Variants in SPG7 observed in about 807,000 individuals in gnomAD.
SPG7 encodes the protein mitochondrial inner membrane m-AAA protease component paraplegin.
In SPG7, 103 loss-of-function variants were observed where a neutral mutation model predicts 81.9. The observed-to-expected ratio is 1.26, with a 90% CI of 1.07 to 1.48. The LOEUF (loss-of-function observed/expected upper bound fraction) is 1.48. Among genes scored for constraint, SPG7 ranks in the 40% most tolerant of loss-of-function variants. The probability of loss-of-function intolerance (pLI) is 0.00; values close to 1 mark genes in which losing one functional copy is unlikely to be tolerated. For synonymous variants in SPG7, 534 were observed against 444.2 expected, an observed-to-expected ratio of 1.20 and a Z score of -2.54; for missense variants, 1,241 against 1,087.3, an observed-to-expected ratio of 1.14 and a Z score of -1.99.
intron 15 of SPG7, 117 bp from the exon 16 acceptor site, chr16:89,554,369 T>A (rs2058666602): frequency 2.7e-6 from 2 of 749,620 alleles, no homozygotes; most frequent in Non-Finnish European, 4.6e-6. Context: ...GGCTGAGGAG[T>A]CCTGTTCCTC....
chr16:89,543,463 T>G (rs2058525446), intron 9 of SPG7: 1 of 150,274 alleles, frequency 6.7e-6, no homozygotes, highest in Admixed American at 6.7e-5. Context: ...TGCCTCAGTC[T>G]CCCGAGTAGC....
chr16:89,512,003 C>T (rs2058029955), intron 2 of SPG7, among the ~76,000 whole-genome samples: 2 of 151,952 alleles, frequency 1.3e-5, no homozygotes, highest in African/African-American at 4.8e-5. Context: ...GCTCTGCCTC[C>T]AGGATTCCCG....
chr16:89,552,864 A>G (rs2058649878), intron 13 of SPG7, 115 bp from the exon 14 acceptor site: 2 of 978,240 alleles, frequency 2.0e-6, no homozygotes, highest in South Asian at 1.4e-5. Flanking sequence ...GATGCTGCAC[A>G]TTTGCCTTCC....
chr16:89,522,429 T>TGCTGGGTCCGTG (rs2058199683), intron 3 of SPG7: 1 of 152,070 alleles, frequency 6.6e-6, no homozygotes, highest in South Asian at 2.1e-4. Flanking sequence ...TCGTCCCGGC[T>TGCTGGGTCCGTG]GCTGGGTCCG....
intron 13 of SPG7, chr16:89,551,556 G>C (rs939943570): frequency 6.6e-6 from 1 of 152,210 alleles, no homozygotes; most frequent in African/African-American, 2.4e-5. Flanking sequence ...ACTCAGCTGG[G>C]GGTCCCATTT....
chr16:89,546,573 C>A (rs889450770), intron 10 of SPG7, 85 bp from the exon 11 acceptor site: 24 of 159,862 alleles, frequency 1.5e-4, no homozygotes, highest in Middle Eastern at 9.6e-4. Context: ...ACTTGGGGAC[C>A]CCCCCCCCCC....
chr16:89,554,923 T>TC, intron 16 of SPG7: 1 of 177,540 alleles, frequency 5.6e-6, no homozygotes, highest in Non-Finnish European at 1.2e-5. Flanking sequence ...TTTTTTTTTC[T>TC]TTTTTTTTTT....
chr16:89,529,060 C>T (rs1291255256), intron 5 of SPG7: 1 of 282,168 alleles, frequency 3.5e-6, no homozygotes, highest in East Asian at 9.3e-5. Context: ...GATTCACCCG[C>T]CACGGCCTCC....
intron 3 of SPG7, chr16:89,522,919 C>G (rs2058208682): frequency 6.6e-6 from 1 of 152,586 alleles, no homozygotes; most frequent in African/African-American, 2.4e-5. Context: ...TGCCACGCCT[C>G]CTTGCAGGCC....
Position 89,557,084 on chromosome 16 carries a change from G to T in SPG7, c.2379G>T (p.Trp793Cys), listed in dbSNP as rs372824496. 4.3e-6 allele frequency: 7 copies of T among 1,611,164 alleles called. No individual in the cohort carries two copies. The highest frequency in any genetic ancestry group is 1.3e-5 in the African/African-American group (1 of 74,868). The change falls in exon 17 of 17, where the codon TGG (tryptophan) becomes TGT (cysteine). Residue 793 changes from tryptophan to cysteine, a missense_variant. By Grantham distance (215) the Trp-to-Cys change is radical. Coordinates refer to ENST00000645818, the MANE Select transcript of SPG7 (RefSeq NM_003119.4). Reference sequence around the variant, plus strand: ...CACTTGGAGGCGAAGAGCCGACTTGGCCCAAGTAGTTGGGAGGTGTTGGCT... The same window carrying T: ...CACTTGGAGGCGAAGAGCCGACTTGTCCCAAGTAGTTGGGAGGTGTTGGCT... The part of the protein sequence containing the change: ...QPPLGGEEPT[W>C]PK
chr16:89,549,965 G>A (rs1484086745), intron 12 of SPG7: 3 of 208,166 alleles, frequency 1.4e-5, no homozygotes, highest in East Asian at 1.1e-4. Flanking sequence ...GAGCTATTTC[G>A]ATGATTGCAA....
At chr16:89,552,766 G>A (rs192646417) in intron 13 of SPG7, 26 of 602,502 alleles carry the variant, frequency 4.3e-5, no homozygotes, top group South Asian at 3.6e-4. Flanking sequence ...GACACTTCCC[G>A]GCAGTGTGTG....
intron 1 of SPG7, among the ~76,000 whole-genome samples, chr16:89,509,907 G>A (rs1483732237): frequency 6.8e-6 from 1 of 148,128 alleles, no homozygotes; most frequent in Non-Finnish European, 1.5e-5. Flanking sequence ...TCCCACCTCA[G>A]CCTCCCAAAG....
chr16:89,521,518 G>A (rs1435511302), intron 3 of SPG7: 1 of 152,248 alleles, frequency 6.6e-6, no homozygotes, highest in Non-Finnish European at 1.5e-5. Context: ...TGAGGTGGGA[G>A]AATCACCTGA....
intron 10 of SPG7, chr16:89,545,756 CAT>C (rs756162507): frequency 2.1e-4 from 66 of 319,432 alleles, no homozygotes; most frequent in Non-Finnish European, 3.4e-4. Flanking sequence ...ACGCATGGAA[CAT>C]GTGTGGGAAT....
chr16:89,549,348 A>G (rs1214237182), intron 12 of SPG7: 7 of 402,306 alleles, frequency 1.7e-5, no homozygotes, highest in Admixed American at 1.1e-4. Flanking sequence ...TAAGCTGAAC[A>G]GGGGAGATTT....
At chr16:89,514,288 C>A (rs2058061948) in intron 3 of SPG7, 2 of 129,280 alleles carry the variant, frequency 1.5e-5, no homozygotes, top group Admixed American at 8.0e-5. Context: ...TTCAACATTT[C>A]AATAAAGTGT....
intron 16 of SPG7, chr16:89,556,117 G>C (rs1410290191): frequency 5.0e-6 from 2 of 398,774 alleles, no homozygotes; most frequent in African/African-American, 2.1e-5. Flanking sequence ...GGAGTGGTGT[G>C]TCTGCCCCGT....
intron 3 of SPG7, chr16:89,523,787 TGAAGTGACCTCAGC>T (rs2058224188): frequency 2.0e-5 from 14 of 700,588 alleles, no homozygotes; most frequent in Middle Eastern, 2.3e-4. Context: ...TGCTCCTCAC[TGAAGTGACCTCAGC>T]GAATGAAGTG....
Sources: allele counts gnomAD v4.1 joint callset (sites outside exome capture counted in the v4.1 genomes callset), GRCh38; gene constraint gnomAD v4.1.1; transcripts MANE v1.5; gene names NCBI Gene and HGNC (gene_info 2026-07-23, HGNC 2026-07-21).